MDFIC2: variants seen among roughly 807,000 people sequenced by gnomAD.
The protein encoded by MDFIC2 is MyoD family inhibitor domain containing 2.
At chr3:70,303,364 T>C (rs1702368166) in intron 2 of MDFIC2, among the ~76,000 whole-genome samples, 1 of 152,116 alleles carries the variant, frequency 6.6e-6, no homozygotes, top group Non-Finnish European at 1.5e-5. Flanking sequence ...GTTATTGAGC[T>C]TTCTTCCTTG....
At chr3:70,312,498 T>G (rs2106711147) in intron 1 of MDFIC2, 53 bp downstream of exon 1, 1 of 152,364 alleles carries the variant, frequency 6.6e-6, no homozygotes, top group African/African-American at 2.4e-5. Context: ...CACTTGACTT[T>G]CATGGCTTGC....
intron 1 of MDFIC2, 93 bp downstream of exon 1, chr3:70,312,458 C>G (rs1280306728): frequency 6.6e-6 from 1 of 152,224 alleles, no homozygotes; most frequent in African/African-American, 2.4e-5. Flanking sequence ...AAGGTGTTGA[C>G]GAGACCTATT....
chr3:70,305,209 T>C (rs1482742143), intron 2 of MDFIC2, among the ~76,000 whole-genome samples: 1 of 152,214 alleles, frequency 6.6e-6, no homozygotes, highest in Non-Finnish European at 1.5e-5. Context: ...TACAAGGGCA[T>C]ATTTTCACAT....
At chr3:70,298,660 A>G (rs1702315302) in intron 2 of MDFIC2, among the ~76,000 whole-genome samples, 1 of 152,140 alleles carries the variant, frequency 6.6e-6, no homozygotes, top group South Asian at 2.1e-4. Context: ...TGAATGAGTA[A>G]TAGGTTTAAA....
chr3:70,310,454 C>G (rs1702443980), intron 2 of MDFIC2, among the ~76,000 whole-genome samples: 1 of 150,738 alleles, frequency 6.6e-6, no homozygotes, highest in Non-Finnish European at 1.5e-5. Flanking sequence ...CAACCTCTGC[C>G]TCCCCAGTTC....
intron 2 of MDFIC2, among the ~76,000 whole-genome samples, chr3:70,263,660 G>A (rs747891406): frequency 2.0e-5 from 3 of 152,170 alleles, no homozygotes; most frequent in Non-Finnish European, 2.9e-5. Context: ...GGAGCCCTAC[G>A]CAAATTTATA....
At chr3:70,234,669 AATAGAGCT>A (rs756201289) in intron 2 of MDFIC2, among the ~76,000 whole-genome samples, 48 of 152,070 alleles carry the variant, frequency 3.2e-4, no homozygotes, top group Non-Finnish European at 5.9e-4. Flanking sequence ...TCTGGTGCTT[AATAGAGCT>A]ATGGTCACAA....
At chr3:70,220,111 T>A (rs1446252351) in intron 2 of MDFIC2, among the ~76,000 whole-genome samples, 2 of 152,058 alleles carry the variant, frequency 1.3e-5, no homozygotes, top group Non-Finnish European at 2.9e-5. Context: ...TGGCCTCAAA[T>A]TTTTTTTGTA....
intron 2 of MDFIC2, among the ~76,000 whole-genome samples, chr3:70,226,804 G>C (rs916797383): frequency 6.6e-6 from 1 of 151,514 alleles, no homozygotes; most frequent in African/African-American, 2.4e-5. Context: ...ATTCTGAAGA[G>C]AAGACAAAGT....
In MDFIC2 at chr3:70,302,371, T is replaced by C. The variant is rs142020998; in HGVS notation, c.88+9515A>G. The stretch of plus-strand genomic sequence containing the variant: ...CTGAAAGAAATGGGCCATAATCTTA[T>C]AAAAGTAAAGTATCTCTTTGTAGAA... On this transcript the variant is annotated intron_variant, in intron 2 of 3. Transcript: ENST00000567252. Among the ~76,000 whole-genome samples, 861 of 152,284 alleles carry C rather than the reference T, an allele frequency of 5.7e-3. 4 individuals are homozygous for C. Among genetic ancestry groups the C allele is most frequent in the Admixed American group, 0.012 (185 of 15,288 alleles).
At chr3:70,197,320 C>T (rs539568177) in intron 3 of MDFIC2, 135 bp from the exon 4 acceptor site, 9 of 396,788 alleles carry the variant, frequency 2.3e-5, no homozygotes, top group Non-Finnish European at 3.5e-5. Flanking sequence ...AATGTACACC[C>T]TTCTTCTCTC....
chr3:70,292,016 G>C (rs1046979086), intron 2 of MDFIC2: 2 of 152,124 alleles, frequency 1.3e-5, no homozygotes, highest in African/African-American at 4.8e-5. Context: ...TGGTTTCAAA[G>C]CTGAATAAAT....
chr3:70,281,484 C>T (rs1042527237), intron 2 of MDFIC2, among the ~76,000 whole-genome samples: 2 of 152,140 alleles, frequency 1.3e-5, no homozygotes, highest in African/African-American at 2.4e-5. Flanking sequence ...GGTTCTCTGA[C>T]ATGCATTTTC....
At position 70,196,577 on chromosome 3, in the gene MDFIC2, A is replaced by C. The variant is rs1000170954; in HGVS notation, c.*349T>G. On this transcript the variant is annotated 3_prime_UTR_variant, in exon 4 of 4. Coordinates refer to ENST00000567252, the MANE Select transcript of MDFIC2 (RefSeq NM_001364677.1). ...CTAATTTGTCCTGAATTTGTGAATG[A>C]GGTTGAATCCATAATGCAAGCTGAT... 6.6e-6 allele frequency among the ~76,000 whole-genome samples: 1 copy of C among 152,222 alleles called. No individual in the cohort carries two copies. Among genetic ancestry groups the C allele is most frequent in the Non-Finnish European group, 1.5e-5 (1 of 68,038 alleles).
intron 2 of MDFIC2, among the ~76,000 whole-genome samples, chr3:70,263,632 T>C (rs1052014933): frequency 6.6e-6 from 1 of 152,200 alleles, no homozygotes; most frequent in Non-Finnish European, 1.5e-5. Flanking sequence ...GTAGATGGTA[T>C]TCAGCAAAAG....
At chr3:70,204,319 T>G (rs1020709452) in intron 3 of MDFIC2, among the ~76,000 whole-genome samples, 4 of 152,168 alleles carry the variant, frequency 2.6e-5, no homozygotes, top group African/African-American at 9.6e-5. Context: ...GCTCTCAATT[T>G]CTGCATCCTT....
intron 2 of MDFIC2, among the ~76,000 whole-genome samples, chr3:70,247,207 A>G (rs1289551020): frequency 1.3e-5 from 2 of 152,052 alleles, no homozygotes; most frequent in East Asian, 3.9e-4. Context: ...TTCAGACATA[A>G]TGGTAGTTTT....
intron 2 of MDFIC2, among the ~76,000 whole-genome samples, chr3:70,295,133 A>T (rs1456166762): frequency 6.6e-6 from 1 of 152,186 alleles, no homozygotes. Flanking sequence ...CCAACTTCTG[A>T]GATGGGTGAT....
intron 3 of MDFIC2, chr3:70,204,949 A>T (rs1029047924): frequency 2.6e-5 from 4 of 152,102 alleles, no homozygotes; most frequent in Admixed American, 1.3e-4. Context: ...ATGCTGTAGC[A>T]TCAAGATGCT....
Sources: gnomAD v4.1 joint callset for allele counts (sites outside exome capture counted in the v4.1 genomes callset) on GRCh38, gnomAD v4.1.1 for gene constraint, MANE v1.5 for transcripts, NCBI Gene and HGNC (gene_info 2026-07-23, HGNC 2026-07-21) for gene names.